The following SMARCE1 variants were observed in gnomAD, a reference collection of about 807,000 sequenced individuals.
SMARCE1 encodes the protein SWI/SNF-related matrix-associated actin-dependent regulator of chromatin subfamily E member 1.
A neutral mutation model predicts 54.9 loss-of-function variants in SMARCE1; 13 were observed. The observed-to-expected ratio is 0.24, with a 90% CI of 0.15 to 0.38. SMARCE1 has a LOEUF of 0.38. Among genes scored for constraint, SMARCE1 ranks in the 10% least tolerant of loss-of-function variants. The pLI, the probability that SMARCE1 is intolerant of heterozygous loss-of-function variation, is 1.00. For synonymous variants in SMARCE1, 151 were observed against 175.3 expected (o/e 0.86, Z 1.10); for missense variants, 295 against 523.8 (o/e 0.56, Z 4.26).
At chr17:40,631,311 A>G in intron 9 of SMARCE1, 1 of 332,646 alleles carries the variant, frequency 3.0e-6, no homozygotes, top group South Asian at 6.9e-5. Context: ...CAATAAAATG[A>G]AAGTAATTAA....
At chr17:40,630,974 G>A (rs1362625469) in intron 9 of SMARCE1, 50 bp from the exon 10 acceptor site, 2 of 1,487,352 alleles carry the variant, frequency 1.3e-6, no homozygotes, top group Non-Finnish European at 1.8e-6. Context: ...TATAATTTTT[G>A]AGCCAGATAT....
At position 40,645,557 on chromosome 17, in the gene SMARCE1, C is replaced by A; in HGVS notation, c.51+19G>T. The A allele has an allele frequency of 6.5e-7, 1 of 1,543,572 alleles. No individual in the cohort carries two copies. Among genetic ancestry groups the A allele is most frequent in the Non-Finnish European group, 8.7e-7 (1 of 1,147,070 alleles). On this transcript the variant is annotated intron_variant, in intron 3 of 10. Transcript: ENST00000348513. ...AGGCCAGAGTTGGCTATTACATTAACAAGAAAATTAAAACTTACTGTTGCA... is the reference window on the plus strand; with the variant it reads ...AGGCCAGAGTTGGCTATTACATTAAAAAGAAAATTAAAACTTACTGTTGCA...
chr17:40,628,945 T>C lies in SMARCE1; in HGVS notation c.1076A>G (p.Glu359Gly). 6.2e-7 allele frequency: 1 copy of C among 1,613,680 alleles called. No individual in the cohort carries two copies. Among genetic ancestry groups the C allele is most frequent in the South Asian group, 1.1e-5 (1 of 91,066 alleles). ...ETTESQQNGE[E>G]GTSTPEDKES... The stretch of plus-strand genomic sequence containing the variant: ...CTTGTCCTCAGGAGTAGACGTGCCT[T>C]CTTCACCATTCTGTTGGCTCTCTGT... The change falls in exon 11 of 11, where the codon GAA becomes GGA. Residue 359 changes from glutamate to glycine, a missense_variant. Coordinates refer to ENST00000348513, the MANE Select transcript of SMARCE1 (RefSeq NM_003079.5).
chr17:40,630,601 A>C lies in SMARCE1; in HGVS notation c.1027+113T>G. On this transcript the variant is annotated intron_variant, in intron 10 of 10. Coordinates refer to ENST00000348513, the MANE Select transcript of SMARCE1 (RefSeq NM_003079.5). The stretch of plus-strand genomic sequence containing the variant: ...ATATCATGTCAAATTTAGTACTGGG[A>C]ATCACCCTCAGTGGCAGGTACCAGA... 5.0e-6 allele frequency: 4 copies of C among 798,766 alleles called. No individual in the cohort carries two copies. The South Asian group carries it at 6.0e-5, about 12-fold the overall frequency. 49.5% of individuals were successfully genotyped at this position (798,766 alleles called of 1,614,324 possible).
At chr17:40,639,926 G>C (rs898996583) in intron 4 of SMARCE1, 2 of 152,190 alleles carry the variant, frequency 1.3e-5, no homozygotes, top group Non-Finnish European at 2.9e-5. Context: ...TGCTTTTGGA[G>C]AATGTGTTTC....
intron 3 of SMARCE1, chr17:40,644,409 T>C (rs2037231847): frequency 6.6e-6 from 1 of 152,064 alleles, no homozygotes; most frequent in African/African-American, 2.4e-5. Flanking sequence ...AAGTACATGG[T>C]TAGCTCTTTG....
Position 40,627,746 on chromosome 17 carries a change from TAAG to T in SMARCE1, c.*1036_*1038del, listed in dbSNP as rs2037049924. 1 of 152,520 alleles carries T rather than the reference TAAG, an allele frequency of 6.6e-6. No homozygotes were observed. Among genetic ancestry groups the T allele is most frequent in the Non-Finnish European group, 1.5e-5 (1 of 68,036 alleles). 9.4% of individuals were successfully genotyped at this position (152,520 alleles called of 1,614,324 possible). ...TTTTTTTTTATTACATTTGGACCTT[TAAG>T]AAACATATACCATCAGATATACCAC... On this transcript the variant is annotated 3_prime_UTR_variant, in exon 11 of 11. Transcript: ENST00000348513.
rs567921202 is a variant in SMARCE1 at position 40,627,648 on chromosome 17, C to T, written c.*1137G>A. ...GTCATTCCACACTGTCACTGCATTA[C>T]AGAAAAAAACTGGATGCTTGTCTTG... On this transcript the variant is annotated 3_prime_UTR_variant, in exon 11 of 11. Transcript: ENST00000348513. The T allele has an allele frequency of 1.3e-5, 2 of 152,576 alleles. No homozygotes were observed. The highest frequency in any genetic ancestry group is 4.1e-4 in the South Asian group (2 of 4,822). 9.5% of individuals were successfully genotyped at this position (152,576 alleles called of 1,614,324 possible).
chr17:40,643,454 T>C (rs2037218644), intron 3 of SMARCE1: 1 of 152,240 alleles, frequency 6.6e-6, no homozygotes, highest in Admixed American at 6.5e-5. Flanking sequence ...TTGTGAATTA[T>C]GTGTTGATGT....
intron 9 of SMARCE1, chr17:40,631,390 C>CT: frequency 1.9e-6 from 1 of 526,400 alleles, no homozygotes; most frequent in Non-Finnish European, 3.4e-6. Context: ...TGTGTATACT[C>CT]TATGATATTT....
At position 40,627,189 on chromosome 17, in the gene SMARCE1, T is replaced by C. The variant is rs983992791; in HGVS notation, c.*1596A>G. On this transcript the variant is annotated 3_prime_UTR_variant, in exon 11 of 11. Transcript: ENST00000348513. ...ACAGATCTATTTGATACAAATTCGT[T>C]CTTTGACACACAAGGAAACAGATGT... The C allele has an allele frequency of 6.6e-6, 1 of 152,228 alleles. No individual in the cohort carries two copies. The allele number at this position is 152,228 out of a possible 1,614,324, so 9.4% of individuals were successfully genotyped here.
chr17:40,636,223 C>T lies in SMARCE1; in HGVS notation c.370-121G>A, dbSNP rs373940913. On this transcript the variant is annotated intron_variant, in intron 6 of 10. Coordinates refer to ENST00000348513, the MANE Select transcript of SMARCE1 (RefSeq NM_003079.5). ...AAACAGGGTGTTGGGATAATTATCT[C>T]CTTTTTACAGGCAAGAAATCTGAGG... 2.5e-6 allele frequency: 3 copies of T among 1,194,230 alleles called. No homozygotes were observed. In the South Asian group the frequency reaches 4.4e-5, roughly 18 times the overall value. 74.0% of individuals were successfully genotyped at this position (1,194,230 alleles called of 1,614,324 possible). A position where few individuals can be genotyped will look rare whatever the true frequency, so the allele number is the denominator to read the frequency against.
rs2037050139 is a variant in SMARCE1, at chr17:40,627,782, TA to T, written c.*1002del. ...TACCATCAGATATACCACTATTCAG[TA>T]AAAATCTATTCTAGTTTTTGGGAAG... On this transcript the variant is annotated 3_prime_UTR_variant, in exon 11 of 11. Transcript: ENST00000348513. 1 of 152,622 alleles carries T rather than the reference TA, an allele frequency of 6.6e-6. No individual in the cohort carries two copies. Among genetic ancestry groups the T allele is most frequent in the Admixed American group, 6.5e-5 (1 of 15,274 alleles). The allele number at this position is 152,622 out of a possible 1,614,324, so 9.5% of individuals were successfully genotyped here. A position where few individuals can be genotyped will look rare whatever the true frequency, so the allele number is the denominator to read the frequency against.
chr17:40,635,333 G>T (rs1253140676), intron 7 of SMARCE1: 1 of 151,640 alleles, frequency 6.6e-6, no homozygotes, highest in Non-Finnish European at 1.5e-5. Flanking sequence ...TTCAGACCCT[G>T]CCTGGCTGCA....
chr17:40,636,280 G>A (rs1184670323), intron 6 of SMARCE1, 115 bp downstream of exon 6: 1 of 1,227,524 alleles, frequency 8.1e-7, no homozygotes, highest in Non-Finnish European at 1.2e-6. Context: ...CAGGTAGACA[G>A]AGCCTCAGTA....
chr17:40,647,214 A>T (rs1369468806), intron 1 of SMARCE1: 1 of 152,230 alleles, frequency 6.6e-6, no homozygotes, highest in African/African-American at 2.4e-5. Flanking sequence ...GGGTACGCTT[A>T]TGACACTATT....
At chr17:40,630,948 C>T (rs369963020) in intron 9 of SMARCE1, 24 bp from the exon 10 acceptor site, 245 of 1,580,806 alleles carry the variant, frequency 1.5e-4, no homozygotes, top group South Asian at 3.0e-4. Context: ...AACAGAACTC[C>T]GTAATGTTTT....
chr17:40,638,709 T>C lies in SMARCE1; in HGVS notation c.157-1137A>G, dbSNP rs188791606. On this transcript the variant is annotated intron_variant, in intron 4 of 10. Coordinates refer to ENST00000348513, the MANE Select transcript of SMARCE1 (RefSeq NM_003079.5). ...GCAAATTTTCAGGAGATCTCTGATA[T>C]TGACTCTCCCTGCTAGGCTGGAGAA... Among the ~76,000 whole-genome samples, 750 of 152,312 alleles carry C rather than the reference T, an allele frequency of 4.9e-3. 5 individuals are homozygous for C. The highest frequency in any genetic ancestry group is 0.017 in the African/African-American group (723 of 41,564).
At chr17:40,630,040 G>A (rs1329056851) in intron 10 of SMARCE1, 2 of 451,288 alleles carry the variant, frequency 4.4e-6, no homozygotes, top group African/African-American at 4.1e-5. Flanking sequence ...GAAGCCTTTG[G>A]TTTTGTTTTC....
Sources: gnomAD v4.1 joint callset for allele counts (sites outside exome capture counted in the v4.1 genomes callset) on GRCh38, gnomAD v4.1.1 for gene constraint, MANE v1.5 for transcripts, NCBI Gene and HGNC (gene_info 2026-07-23, HGNC 2026-07-21) for gene names.